The following EXOG variants were observed in gnomAD, a reference collection of about 807,000 sequenced individuals.
The protein encoded by EXOG is exo/endonuclease G, also known as nuclease EXOG, mitochondrial.
In EXOG, 27 loss-of-function variants were observed where a neutral mutation model predicts 25.8. The ratio of observed to expected loss-of-function variants is 1.05; its 90% CI spans 0.77 to 1.45. The LOEUF (loss-of-function observed/expected upper bound fraction) is 1.45. EXOG is among the 40% of genes most tolerant of loss of function. The pLI, the probability that EXOG is intolerant of heterozygous loss-of-function variation, is 0.00. For missense variants in EXOG, 458 were observed against 450.5 expected (o/e 1.02, Z -0.15); for synonymous variants, 133 against 167.0 (o/e 0.80, Z 1.57).
rs770533057 is a variant in EXOG at position 38,524,258 on chromosome 3, G to A, written c.1003G>A (p.Ala335Thr). The A allele has an allele frequency of 2.5e-6, 4 of 1,614,166 alleles. No individual in the cohort carries two copies. Among genetic ancestry groups the A allele is most frequent in the South Asian group, 1.1e-5 (1 of 91,076 alleles). The change falls in exon 6 of 6, where the codon GCA becomes ACA. Residue 335 changes from alanine (A) to threonine (T), a missense_variant. By Grantham distance (58) the Ala-to-Thr change is moderately conservative. This residue lies in a region of EXOG where 178 missense variants were observed against 203.7 expected (regional missense o/e 0.87). Coordinates refer to ENST00000287675, the MANE Select transcript of EXOG (RefSeq NM_005107.4). ...LEKIMENLKN[A>T]EIEPDDYFMS... is the part of the protein sequence containing the mutation. Reference sequence around the variant, plus strand: ...AAAGATCATGGAAAACTTGAAGAATGCAGAGATTGAACCAGATGATTACTT... The same window carrying A: ...AAAGATCATGGAAAACTTGAAGAATACAGAGATTGAACCAGATGATTACTT...
At chr3:38,520,313 T>C (rs1445790496) in intron 5 of EXOG, among the ~76,000 whole-genome samples, 1 of 152,196 alleles carries the variant, frequency 6.6e-6, no homozygotes, top group East Asian at 1.9e-4. Flanking sequence ...AGCTTATGTA[T>C]TGTATTTTCT....
At chr3:38,520,420 A>G (rs1264764144) in intron 5 of EXOG, among the ~76,000 whole-genome samples, 2 of 152,186 alleles carry the variant, frequency 1.3e-5, no homozygotes, top group Non-Finnish European at 1.5e-5. Context: ...CCTTTGCAAA[A>G]TATTTTTATA....
rs1425781368 is a variant in EXOG, at chr3:38,503,633, T to G, written c.472T>G (p.Phe158Val). 1 of 1,601,578 alleles carries G rather than the reference T, an allele frequency of 6.2e-7. No individual in the cohort carries two copies. The highest frequency in any genetic ancestry group is 8.6e-7 in the Non-Finnish European group (1 of 1,169,254). ...KFSSKAMAET[F>V]YLSNIVPQDF... ...TTTACAGAAAGCCATGGCTGAAACC[T>G]TTTACCTTTCTAACATTGTGCCTCA... The change falls in exon 4 of 6, where the codon TTT becomes GTT. Residue 158 changes from phenylalanine (F) to valine (V), a missense_variant. Phe to Val is a conservative substitution (Grantham distance 50). Coordinates refer to ENST00000287675, the MANE Select transcript of EXOG (RefSeq NM_005107.4).
In EXOG at chr3:38,496,469, G is replaced by A. The variant is rs1424932306; in HGVS notation, c.102G>A (p.Ala34=). The A allele has an allele frequency of 1.9e-6, 3 of 1,613,986 alleles. No homozygotes were observed. Among genetic ancestry groups the A allele is most frequent in the Non-Finnish European group, 2.5e-6 (3 of 1,179,994 alleles). Reference sequence around the variant, plus strand: ...TGGGCGCTGCGGGAGCTGGGCTCGCGGCCCTGCAGTTCTTCCGGAGTCAGG... The same window carrying A: ...TGGGCGCTGCGGGAGCTGGGCTCGCAGCCCTGCAGTTCTTCCGGAGTCAGG... The part of the protein sequence containing the change: ...AVVGAAGAGL[A]ALQFFRSQGA... The change falls in exon 1 of 6, where the codon GCG becomes GCA. Residue 34 remains alanine, a synonymous_variant. Transcript: ENST00000287675.
rs901578775 is a variant in EXOG at position 38,524,623 on chromosome 3, T to C, written c.*261T>C. The C allele has an allele frequency of 6.2e-6, 7 of 1,137,396 alleles. No homozygotes were observed. In the African/African-American group the frequency reaches 1.1e-4, roughly 18 times the overall value. The allele number at this position is 1,137,396 out of a possible 1,614,324, so 70.5% of individuals were successfully genotyped here. A position where few individuals can be genotyped will look rare whatever the true frequency, so the allele number is the denominator to read the frequency against. On this transcript the variant is annotated 3_prime_UTR_variant, in exon 6 of 6. Transcript: ENST00000287675. ...GGCACACACCATCACCCTCAGCTACTAGTGGCTTTGCTTTAAAGAAACAGT... is the reference window on the plus strand; with the variant it reads ...GGCACACACCATCACCCTCAGCTACCAGTGGCTTTGCTTTAAAGAAACAGT...
At chr3:38,504,561 G>A (rs937108660) in intron 4 of EXOG, among the ~76,000 whole-genome samples, 3 of 151,780 alleles carry the variant, frequency 2.0e-5, no homozygotes, top group African/African-American at 7.3e-5. Context: ...TCAGCCTCCC[G>A]AGTAGCTGGG....
intron 1 of EXOG, 64 bp downstream of exon 1, chr3:38,496,594 G>C (rs2059896063): frequency 1.3e-6 from 2 of 1,564,326 alleles, no homozygotes; most frequent in African/African-American, 1.4e-5. Context: ...CCTACCTGGA[G>C]TGTGAATGGC....
chr3:38,516,688 G>GT (rs139095223), intron 5 of EXOG, among the ~76,000 whole-genome samples: 4,457 of 149,148 alleles, frequency 0.03, 203 homozygotes, highest in African/African-American at 0.095. Flanking sequence ...CCTTTATACT[G>GT]TTTTTTTTTT....
chr3:38,517,403 C>T (rs2060579382), intron 5 of EXOG, among the ~76,000 whole-genome samples: 1 of 152,202 alleles, frequency 6.6e-6, no homozygotes, highest in African/African-American at 2.4e-5. Context: ...TTTAGCATTT[C>T]CTACTTTCTG....
intron 5 of EXOG, 95 bp from the exon 6 acceptor site, chr3:38,523,806 A>C: frequency 1.3e-6 from 1 of 776,088 alleles, no homozygotes; most frequent in Non-Finnish European, 2.1e-6. Context: ...GCTTATAAGT[A>C]CATTTCAGCA....
At chr3:38,507,900 G>A (rs764935711) in intron 5 of EXOG, among the ~76,000 whole-genome samples, 2 of 152,154 alleles carry the variant, frequency 1.3e-5, no homozygotes, top group African/African-American at 4.8e-5. Flanking sequence ...TTGGGAGGCC[G>A]AGGCAGGCGA....
chr3:38,497,310 C>T, intron 1 of EXOG: 1 of 1,076,958 alleles, frequency 9.3e-7, no homozygotes, highest in Non-Finnish European at 1.1e-6. Context: ...CAACAGCACA[C>T]ATATCAGTGC....
intron 5 of EXOG, among the ~76,000 whole-genome samples, chr3:38,521,005 A>G (rs2060700043): frequency 1.3e-5 from 2 of 152,218 alleles, no homozygotes; most frequent in South Asian, 4.1e-4. Flanking sequence ...CTTTAAAGAG[A>G]CAGCTCTAAA....
At chr3:38,514,381 C>A (rs1438014385) in intron 5 of EXOG, among the ~76,000 whole-genome samples, 3 of 152,096 alleles carry the variant, frequency 2.0e-5, no homozygotes, top group Non-Finnish European at 4.4e-5. Context: ...TGGAAGTGGT[C>A]AGCACACTGA....
chr3:38,500,741 AAAAT>A (rs1417949110), intron 2 of EXOG, among the ~76,000 whole-genome samples: 2 of 152,234 alleles, frequency 1.3e-5, no homozygotes, highest in African/African-American at 4.8e-5. Flanking sequence ...GAGGTGTCAG[AAAAT>A]AAATAAAATC....
intron 5 of EXOG, among the ~76,000 whole-genome samples, chr3:38,511,708 A>T (rs559681535): frequency 1.2e-3 from 189 of 152,296 alleles, no homozygotes; most frequent in Non-Finnish European, 1.9e-3. Flanking sequence ...TTAAAAGCAC[A>T]TATTTCATGT....
chr3:38,496,742 C>G, intron 1 of EXOG: 1 of 1,444,500 alleles, frequency 6.9e-7, no homozygotes, highest in South Asian at 1.4e-5. Context: ...TTCCCCCGGG[C>G]ATCTTCGTTT....
chr3:38,517,936 T>G (rs2060598709), intron 5 of EXOG, among the ~76,000 whole-genome samples: 1 of 152,248 alleles, frequency 6.6e-6, no homozygotes. Flanking sequence ...TTTGGCATTA[T>G]ATTTCAAGTC....
At chr3:38,510,341 G>C (rs1395781664) in intron 5 of EXOG, among the ~76,000 whole-genome samples, 1 of 152,118 alleles carries the variant, frequency 6.6e-6, no homozygotes, top group African/African-American at 2.4e-5. Flanking sequence ...TTGCTAAAAA[G>C]GATGTTATTG....
Sources: allele counts gnomAD v4.1 joint callset (sites outside exome capture counted in the v4.1 genomes callset), GRCh38; gene constraint gnomAD v4.1.1; regional missense constraint gnomAD v4.1.1; transcripts MANE v1.5; gene names NCBI Gene and HGNC (gene_info 2026-07-23, HGNC 2026-07-21).